The following GRM8 variants were observed in gnomAD, a reference collection of about 807,000 sequenced individuals.
GRM8 encodes the protein glutamate metabotropic receptor 8, also known as metabotropic glutamate receptor 8.
A neutral mutation model predicts 87.2 loss-of-function variants in GRM8; 47 were observed. The ratio of observed to expected loss-of-function variants is 0.54; its 90% confidence interval spans 0.43 to 0.69. The LOEUF (loss-of-function observed/expected upper bound fraction) is 0.69, where lower values mean the gene tolerates loss of function less well. Among genes scored for constraint, GRM8 ranks in the 30% least tolerant of loss-of-function variants. The pLI is 0.00. For synonymous variants in GRM8, 396 were observed against 404.5 expected, an observed-to-expected ratio of 0.98 and a Z score of 0.25; for missense variants, 1,019 against 1,139.2, an observed-to-expected ratio of 0.89 and a Z score of 1.52.
chr7:127,098,067 G>A (rs1327329494), intron 3 of GRM8, among the ~76,000 whole-genome samples: 1 of 152,118 alleles, frequency 6.6e-6, no homozygotes, highest in Non-Finnish European at 1.5e-5. Flanking sequence ...TCCCTATAAA[G>A]CTTCTACAGT....
At chr7:126,972,741 G>A (rs1255835889) in intron 3 of GRM8, among the ~76,000 whole-genome samples, 1 of 152,168 alleles carries the variant, frequency 6.6e-6, no homozygotes, top group African/African-American at 2.4e-5. Flanking sequence ...GAGGACAAGA[G>A]GATGTCAAAC....
chr7:127,158,077 A>G (rs1792853660), intron 2 of GRM8, among the ~76,000 whole-genome samples: 1 of 152,180 alleles, frequency 6.6e-6, no homozygotes, highest in Admixed American at 6.6e-5. Flanking sequence ...AAAGTCAGAC[A>G]TTATTGGCAT....
intron 6 of GRM8, among the ~76,000 whole-genome samples, chr7:126,821,172 A>T (rs1245973774): frequency 1.3e-5 from 2 of 152,108 alleles, no homozygotes. Context: ...CCCAACTATT[A>T]CCACAGATGC....
chr7:126,762,083 T>A (rs1418684756), intron 7 of GRM8, among the ~76,000 whole-genome samples: 1 of 152,172 alleles, frequency 6.6e-6, no homozygotes, highest in Non-Finnish European at 1.5e-5. Flanking sequence ...ATTGTCTTAA[T>A]CTGTGTATTC....
chr7:127,188,696 G>A (rs1794865850), intron 2 of GRM8, among the ~76,000 whole-genome samples: 1 of 152,142 alleles, frequency 6.6e-6, no homozygotes, highest in Non-Finnish European at 1.5e-5. Context: ...GCCAAGCCTG[G>A]TATAGTGCTT....
chr7:126,742,000 C>A (rs745950522), intron 7 of GRM8, among the ~76,000 whole-genome samples: 38 of 152,030 alleles, frequency 2.5e-4, no homozygotes, highest in Non-Finnish European at 4.3e-4. Context: ...ACCTACCCCC[C>A]ACACCAAAAT....
chr7:127,054,564 A>G (rs1398493853), intron 3 of GRM8, among the ~76,000 whole-genome samples: 1 of 152,206 alleles, frequency 6.6e-6, no homozygotes, highest in Admixed American at 6.5e-5. Context: ...AACAGAAAAG[A>G]TGGAAAAATG....
In GRM8 at chr7:127,051,855, C is replaced by T. The variant is rs1819526880; in HGVS notation, c.727+54641G>A. Among the ~76,000 whole-genome samples, 3 of 151,508 alleles carry T rather than the reference C, an allele frequency of 2.0e-5. No individual in the cohort carries two copies. The South Asian group carries it at 6.3e-4, about 32-fold the overall frequency. On this transcript the variant is annotated intron_variant, in intron 3 of 10. Coordinates refer to ENST00000339582, the MANE Select transcript of GRM8 (RefSeq NM_000845.3). ...ATACTGAATATTGTTTGTGGCATGC[C>T]CACATGTAGTAAAATCATAAAGGCA...
intron 7 of GRM8, among the ~76,000 whole-genome samples, chr7:126,722,420 T>C (rs1812485276): frequency 6.6e-6 from 1 of 152,192 alleles, no homozygotes; most frequent in Admixed American, 6.6e-5. Context: ...GCTCTCATCA[T>C]CATCCACTAG....
At chr7:126,901,952 C>T (rs374722564) in intron 6 of GRM8, among the ~76,000 whole-genome samples, 5 of 151,644 alleles carry the variant, frequency 3.3e-5, no homozygotes, top group African/African-American at 9.7e-5. Flanking sequence ...AAAAATTATG[C>T]GAGTTTTTTT....
chr7:126,559,008 TCA>T (rs1793427422), intron 8 of GRM8, among the ~76,000 whole-genome samples: 1 of 152,088 alleles, frequency 6.6e-6, no homozygotes, highest in African/African-American at 2.4e-5. Context: ...CAAAGCACCC[TCA>T]CATGTGTTTT....
chr7:127,221,511 G>T (rs1239200965), intron 2 of GRM8, among the ~76,000 whole-genome samples: 2 of 152,160 alleles, frequency 1.3e-5, no homozygotes, highest in Non-Finnish European at 2.9e-5. Context: ...TTGATGCAAA[G>T]ATACAAAATT....
intron 8 of GRM8, among the ~76,000 whole-genome samples, chr7:126,556,448 A>C (rs1793149067): frequency 6.6e-6 from 1 of 151,738 alleles, no homozygotes; most frequent in Non-Finnish European, 1.5e-5. Flanking sequence ...GGAGTTCAAG[A>C]CCAGCCTGGC....
intron 7 of GRM8, among the ~76,000 whole-genome samples, chr7:126,674,177 C>A (rs1281868827): frequency 1.3e-5 from 2 of 152,202 alleles, no homozygotes; most frequent in East Asian, 1.9e-4. Context: ...TCCAGCTCTA[C>A]TGTACTGCTT....
At chr7:127,084,887 A>T (rs912880930) in intron 3 of GRM8, 1 of 152,194 alleles carries the variant, frequency 6.6e-6, no homozygotes, top group African/African-American at 2.4e-5. Context: ...TTAGGTATAC[A>T]TGTGCCATGT....
intron 2 of GRM8, among the ~76,000 whole-genome samples, chr7:127,209,261 T>C (rs557765162): frequency 1.2e-4 from 18 of 152,290 alleles, no homozygotes; most frequent in Admixed American, 7.2e-4. Context: ...TACACAGCAG[T>C]GGCTGGAAAG....
chr7:126,614,228 C>T (rs1249995457), intron 7 of GRM8, among the ~76,000 whole-genome samples: 2 of 152,164 alleles, frequency 1.3e-5, no homozygotes, highest in African/African-American at 4.8e-5. Flanking sequence ...GCAATATTCA[C>T]TACTCTGCAG....
At chr7:127,086,014 C>T (rs17150591) in intron 3 of GRM8, among the ~76,000 whole-genome samples, 12,719 of 152,162 alleles carry the variant, frequency 0.084, 1,746 homozygotes, top group African/African-American at 0.29. Flanking sequence ...GTCAATAGAG[C>T]GGGCCCTCTG....
chr7:126,507,798 G>A (rs775579700), intron 9 of GRM8, among the ~76,000 whole-genome samples: 13 of 151,924 alleles, frequency 8.6e-5, no homozygotes, highest in Non-Finnish European at 1.5e-4. Context: ...AGAGCAACTT[G>A]GCCCTAAATA....
Sources: allele counts gnomAD v4.1 joint callset (sites outside exome capture counted in the v4.1 genomes callset), GRCh38; gene constraint gnomAD v4.1.1; transcripts MANE v1.5; gene names NCBI Gene and HGNC (gene_info 2026-07-23, HGNC 2026-07-21).